Variants in DNAJC1 observed in about 807,000 individuals in gnomAD.
DNAJC1 encodes dnaJ homolog subfamily C member 1.
A neutral mutation model predicts 76.6 loss-of-function variants in DNAJC1; 58 were observed. The observed-to-expected ratio is 0.76, with a 90% CI of 0.61 to 0.94. The LOEUF is 0.94. Among genes scored for constraint, DNAJC1 ranks in the 40% least tolerant of loss-of-function variants. The pLI, the probability that DNAJC1 is intolerant of heterozygous loss-of-function variation, is 0.00. For synonymous variants in DNAJC1, 258 were observed against 267.9 expected (o/e 0.96, Z 0.36); for missense variants, 689 against 677.3 (o/e 1.02, Z -0.19).
At chr10:21,958,514 G>A (rs968153457) in intron 1 of DNAJC1, among the ~76,000 whole-genome samples, 3 of 150,586 alleles carry the variant, frequency 2.0e-5, no homozygotes, top group African/African-American at 4.9e-5. Flanking sequence ...TGCAACCTCC[G>A]CCTCCTGGGC....
intron 8 of DNAJC1, among the ~76,000 whole-genome samples, chr10:21,857,984 T>C (rs1054591148): frequency 2.0e-5 from 3 of 152,226 alleles, no homozygotes; most frequent in Non-Finnish European, 4.4e-5. Flanking sequence ...GTGCAATTCT[T>C]ACTGAATTAT....
At chr10:21,972,990 T>C (rs913280165) in intron 1 of DNAJC1, among the ~76,000 whole-genome samples, 2 of 152,134 alleles carry the variant, frequency 1.3e-5, no homozygotes, top group African/African-American at 4.8e-5. Context: ...TACAACTTTA[T>C]AAATCACATA....
At chr10:21,777,392 G>A (rs1834465728) in intron 9 of DNAJC1, among the ~76,000 whole-genome samples, 1 of 152,146 alleles carries the variant, frequency 6.6e-6, no homozygotes, top group African/African-American at 2.4e-5. Context: ...CACTAAAGAA[G>A]ATGAAAAAGT....
chr10:21,840,414 C>T (rs1363546594), intron 8 of DNAJC1, among the ~76,000 whole-genome samples: 1 of 152,150 alleles, frequency 6.6e-6, no homozygotes, highest in African/African-American at 2.4e-5. Context: ...TCTCAGGATA[C>T]AAAATCAATG....
chr10:21,813,537 A>G lies in DNAJC1; in HGVS notation c.979-7438T>C, dbSNP rs1317054031. Among the ~76,000 whole-genome samples the G allele has an allele frequency of 3.3e-5, 5 of 151,938 alleles. No individual in the cohort carries two copies. The South Asian group carries it at 6.2e-4, about 19-fold the overall frequency. ...CAGCCTCCCGAGTAGCTGGGACTAC[A>G]GGCGCCCACCATCACGCCCAGCTAA... On this transcript the variant is annotated intron_variant, in intron 8 of 11. Coordinates refer to ENST00000376980, the MANE Select transcript of DNAJC1 (RefSeq NM_022365.4).
At chr10:21,762,857 T>TA (rs1834257464) in intron 10 of DNAJC1, among the ~76,000 whole-genome samples, 1 of 152,240 alleles carries the variant, frequency 6.6e-6, no homozygotes, top group South Asian at 2.1e-4. Flanking sequence ...TCCGTAAAAA[T>TA]AAGAGTTTTT....
intron 8 of DNAJC1, among the ~76,000 whole-genome samples, chr10:21,812,147 C>T (rs530101515): frequency 1.3e-5 from 2 of 152,024 alleles, no homozygotes; most frequent in South Asian, 4.2e-4. Flanking sequence ...CAACCTCTGC[C>T]TCCCAAATTC....
chr10:21,947,251 T>C (rs1201010633), intron 1 of DNAJC1, among the ~76,000 whole-genome samples: 1 of 152,144 alleles, frequency 6.6e-6, no homozygotes, highest in Non-Finnish European at 1.5e-5. Context: ...AAAATCTATA[T>C]CAGAATACAC....
chr10:21,904,106 A>G (rs1050616980), intron 7 of DNAJC1, among the ~76,000 whole-genome samples: 1 of 152,242 alleles, frequency 6.6e-6, no homozygotes, highest in South Asian at 2.1e-4. Flanking sequence ...CAATATTGCA[A>G]ATTAAACAAA....
At chr10:21,759,849 G>A (rs1426502333) in intron 10 of DNAJC1, among the ~76,000 whole-genome samples, 2 of 152,208 alleles carry the variant, frequency 1.3e-5, no homozygotes, top group Non-Finnish European at 2.9e-5. Context: ...ACCCACTTCT[G>A]TCTGATTCCA....
intron 1 of DNAJC1, among the ~76,000 whole-genome samples, chr10:21,935,564 T>G (rs527772602): frequency 6.6e-6 from 1 of 151,892 alleles, no homozygotes; most frequent in Non-Finnish European, 1.5e-5. Flanking sequence ...GCAGAAAACA[T>G]ATTTGAAGAA....
intron 6 of DNAJC1, among the ~76,000 whole-genome samples, chr10:21,908,874 C>T (rs1486900392): frequency 6.6e-6 from 1 of 151,572 alleles, no homozygotes; most frequent in African/African-American, 2.4e-5. Context: ...TGTATTAGTA[C>T]TTAAAATTTC....
At chr10:21,969,051 C>T (rs997202066) in intron 1 of DNAJC1, among the ~76,000 whole-genome samples, 1 of 151,756 alleles carries the variant, frequency 6.6e-6, no homozygotes, top group Non-Finnish European at 1.5e-5. Flanking sequence ...TGGTGAAACC[C>T]CGTATCTACT....
At chr10:21,797,402 T>C (rs959938347) in intron 9 of DNAJC1, among the ~76,000 whole-genome samples, 1 of 152,234 alleles carries the variant, frequency 6.6e-6, no homozygotes, top group Non-Finnish European at 1.5e-5. Context: ...TTTATTCTTC[T>C]TTCTCAAGGT....
In DNAJC1 at chr10:21,948,403, AGATAT is replaced by A. The variant is rs762451950; in HGVS notation, c.223-19267_223-19263del. Among the ~76,000 whole-genome samples, 4 of 152,340 alleles carry A rather than the reference AGATAT, an allele frequency of 2.6e-5. No individual in the cohort carries two copies. The East Asian group carries it at 7.7e-4, about 29-fold the overall frequency. On this transcript the variant is annotated intron_variant, in intron 1 of 11. Coordinates refer to ENST00000376980, the MANE Select transcript of DNAJC1 (RefSeq NM_022365.4). Reference sequence around the variant, plus strand: ...AAAATGTTGAATCTAAGAAGTACTTAGATATAATATCACAAAAATCTTCAAGTCAG... The same window carrying A: ...AAAATGTTGAATCTAAGAAGTACTTAAATATCACAAAAATCTTCAAGTCAG...
chr10:21,791,109 T>A (rs1023772520), intron 9 of DNAJC1, among the ~76,000 whole-genome samples: 1 of 151,878 alleles, frequency 6.6e-6, no homozygotes, highest in African/African-American at 2.4e-5. Flanking sequence ...AGACTTTAAG[T>A]GAAAAGCTGC....
intron 1 of DNAJC1, among the ~76,000 whole-genome samples, chr10:21,969,074 A>C (rs1363021065): frequency 2.0e-5 from 3 of 151,982 alleles, no homozygotes; most frequent in Non-Finnish European, 4.4e-5. Flanking sequence ...AAATTTAAAA[A>C]TTAGGTGGGT....
At chr10:21,969,386 T>C (rs1228760908) in intron 1 of DNAJC1, among the ~76,000 whole-genome samples, 1 of 152,122 alleles carries the variant, frequency 6.6e-6, no homozygotes, top group African/African-American at 2.4e-5. Context: ...AATTAACTCA[T>C]CATAATTGCA....
chr10:21,872,156 C>T (rs1269630048), intron 8 of DNAJC1, among the ~76,000 whole-genome samples: 1 of 151,232 alleles, frequency 6.6e-6, no homozygotes, highest in Non-Finnish European at 1.5e-5. Flanking sequence ...TCACCGTAAC[C>T]TCAACCTCCT....
Sources: allele counts gnomAD v4.1 joint callset (sites outside exome capture counted in the v4.1 genomes callset), GRCh38; gene constraint gnomAD v4.1.1; transcripts MANE v1.5; gene names NCBI Gene and HGNC (gene_info 2026-07-23, HGNC 2026-07-21).